Variants in SPAG16 observed in about 807,000 individuals in gnomAD.
The protein encoded by SPAG16 is sperm associated antigen 16.
SPAG16 carries 86 observed loss-of-function variants against 80.4 expected under a neutral mutation model. The ratio of observed to expected loss-of-function variants is 1.07; its 90% confidence interval spans 0.90 to 1.28. The LOEUF (loss-of-function observed/expected upper bound fraction) is 1.28. Among genes scored for constraint, SPAG16 ranks in the 50% most tolerant of loss-of-function variants. The pLI is 0.00. For missense variants in SPAG16, 870 were observed against 765.3 expected, an observed-to-expected ratio of 1.14 and a Z score of -1.61; for synonymous variants, 294 against 265.9, an observed-to-expected ratio of 1.11 and a Z score of -1.03.
At position 213,605,889 on chromosome 2, in the gene SPAG16, C is replaced by T. The variant is rs1376840116; in HGVS notation, c.1070+115799C>T. ...CTTGATGCATTTTTACATATGTATACAATTATATAAACAACTTACATCAGG... is the reference window on the plus strand; with the variant it reads ...CTTGATGCATTTTTACATATGTATATAATTATATAAACAACTTACATCAGG... On this transcript the variant is annotated intron_variant, in intron 10 of 15. Coordinates refer to ENST00000331683, the MANE Select transcript of SPAG16 (RefSeq NM_024532.5). Among the ~76,000 whole-genome samples, 3 of 152,176 alleles carry T rather than the reference C, an allele frequency of 2.0e-5. No individual in the cohort carries two copies. The East Asian group carries it at 5.8e-4, about 29-fold the overall frequency.
At chr2:213,939,867 A>G (rs1355185592) in intron 12 of SPAG16, among the ~76,000 whole-genome samples, 1 of 152,198 alleles carries the variant, frequency 6.6e-6, no homozygotes, top group African/African-American at 2.4e-5. Flanking sequence ...GTTTATGTTC[A>G]AAATTTTTAT....
chr2:213,352,236 G>C (rs1422836362), intron 7 of SPAG16, among the ~76,000 whole-genome samples: 1 of 151,070 alleles, frequency 6.6e-6, no homozygotes, highest in East Asian at 1.9e-4. Flanking sequence ...TTTCCTCATA[G>C]TGGTGTGAGA....
chr2:213,832,120 C>T (rs897510303), intron 10 of SPAG16, among the ~76,000 whole-genome samples: 6 of 152,038 alleles, frequency 3.9e-5, no homozygotes, highest in Non-Finnish European at 8.8e-5. Context: ...GCCTCAGCCT[C>T]GTGAGTAGCT....
chr2:214,092,945 T>C (rs1296100942), intron 13 of SPAG16, among the ~76,000 whole-genome samples: 1 of 152,126 alleles, frequency 6.6e-6, no homozygotes, highest in African/African-American at 2.4e-5. Context: ...AGCAGCTAAA[T>C]CAATTTCAAT....
chr2:214,143,637 C>T (rs1322083696), intron 14 of SPAG16, among the ~76,000 whole-genome samples: 2 of 152,078 alleles, frequency 1.3e-5, no homozygotes, highest in Admixed American at 6.6e-5. Context: ...TTTTAAATTA[C>T]ATACAATCAA....
intron 10 of SPAG16, among the ~76,000 whole-genome samples, chr2:213,837,593 T>C (rs1055375013): frequency 6.6e-6 from 1 of 152,256 alleles, no homozygotes; most frequent in Non-Finnish European, 1.5e-5. Context: ...ACCAGCATTT[T>C]ATTTTGCATT....
At chr2:213,520,085 CAA>C (rs1491432960) in intron 10 of SPAG16, among the ~76,000 whole-genome samples, 2 of 125,232 alleles carry the variant, frequency 1.6e-5, no homozygotes, top group South Asian at 2.6e-4. Flanking sequence ...AGAGCAAGAG[CAA>C]GAGAGAGAGA....
intron 14 of SPAG16, among the ~76,000 whole-genome samples, chr2:214,119,037 T>A (rs938136335): frequency 2.0e-5 from 3 of 152,132 alleles, no homozygotes; most frequent in African/African-American, 7.2e-5. Context: ...TTATCCTGAT[T>A]TGAGCATTAC....
At chr2:214,359,901 C>A (rs528783736) in intron 15 of SPAG16, among the ~76,000 whole-genome samples, 1 of 151,942 alleles carries the variant, frequency 6.6e-6, no homozygotes, top group East Asian at 1.9e-4. Flanking sequence ...TGCTAATGAG[C>A]TTTGACTTGG....
At chr2:213,383,485 G>A (rs1575439864) in intron 9 of SPAG16, among the ~76,000 whole-genome samples, 1 of 152,110 alleles carries the variant, frequency 6.6e-6, no homozygotes, top group Admixed American at 6.5e-5. Context: ...CTTAATCAGT[G>A]TATATTAAGA....
intron 12 of SPAG16, among the ~76,000 whole-genome samples, chr2:213,988,578 T>C (rs956251028): frequency 6.6e-6 from 1 of 152,122 alleles, no homozygotes. Flanking sequence ...TGTGGGATAG[T>C]GTTCAGCAAG....
chr2:213,469,812 A>G (rs759036610), intron 9 of SPAG16, among the ~76,000 whole-genome samples: 16 of 152,102 alleles, frequency 1.1e-4, no homozygotes, highest in Non-Finnish European at 1.9e-4. Flanking sequence ...GGTCAATCAC[A>G]TCAGCCAACG....
At chr2:214,206,292 C>T (rs1443296532) in intron 15 of SPAG16, among the ~76,000 whole-genome samples, 1 of 152,106 alleles carries the variant, frequency 6.6e-6, no homozygotes, top group African/African-American at 2.4e-5. Context: ...ACTCTTTCTC[C>T]CAGCTTTCTG....
At position 214,214,585 on chromosome 2, in the gene SPAG16, T is replaced by C. The variant is rs913247923; in HGVS notation, c.1720+65319T>C. ...ATTCCAATGCCTATTCTTATAAATATCAGTTGAGTTTCTTACCCATCTCCA... is the reference window on the plus strand; with the variant it reads ...ATTCCAATGCCTATTCTTATAAATACCAGTTGAGTTTCTTACCCATCTCCA... On this transcript the variant is annotated intron_variant, in intron 15 of 15. Transcript: ENST00000331683. Among the ~76,000 whole-genome samples, 43 of 152,166 alleles carry C rather than the reference T, an allele frequency of 2.8e-4. 1 individual carries two copies. The highest frequency in any genetic ancestry group is 1.9e-3 in the Admixed American group (29 of 15,274).
chr2:214,261,107 C>CAAAAAAAAAAAAAA (rs558534808), intron 15 of SPAG16, among the ~76,000 whole-genome samples: 19 of 54,470 alleles, frequency 3.5e-4, no homozygotes, highest in Non-Finnish European at 4.8e-4. Context: ...GACTCAGTCT[C>CAAAAAAAAAAAAAA]AAAAAAAAAA....
intron 10 of SPAG16, among the ~76,000 whole-genome samples, chr2:213,603,975 G>A (rs544718004): frequency 2.0e-5 from 3 of 150,122 alleles, no homozygotes; most frequent in African/African-American, 4.9e-5. Flanking sequence ...CCAGGCTGAA[G>A]AGCAATGGCA....
At chr2:213,529,410 G>A (rs563662662) in intron 10 of SPAG16, among the ~76,000 whole-genome samples, 2 of 152,268 alleles carry the variant, frequency 1.3e-5, no homozygotes, top group East Asian at 3.9e-4. Flanking sequence ...CACTGATGGT[G>A]ACTTTAGGGA....
chr2:213,412,959 T>C (rs765834208), intron 9 of SPAG16, among the ~76,000 whole-genome samples: 51 of 152,156 alleles, frequency 3.4e-4, no homozygotes, highest in Non-Finnish European at 6.3e-4. Context: ...AAATCTGCAA[T>C]GTTAGATTTA....
intron 10 of SPAG16, among the ~76,000 whole-genome samples, chr2:213,652,941 C>G (rs1335881105): frequency 6.6e-6 from 1 of 152,140 alleles, no homozygotes; most frequent in African/African-American, 2.4e-5. Context: ...CAAAGATTAT[C>G]TCCCGTGTTT....
Sources: gnomAD v4.1 joint callset for allele counts (sites outside exome capture counted in the v4.1 genomes callset) on GRCh38, gnomAD v4.1.1 for gene constraint, MANE v1.5 for transcripts, NCBI Gene and HGNC (gene_info 2026-07-23, HGNC 2026-07-21) for gene names.